The following FLT1 variants were observed in gnomAD, a reference collection of about 807,000 sequenced individuals.
The protein encoded by FLT1 is vascular endothelial growth factor receptor 1.
FLT1 carries 49 observed loss-of-function variants against 156.3 expected under a neutral mutation model. The observed-to-expected ratio is 0.31, with a 90% CI of 0.25 to 0.40. FLT1 has a LOEUF of 0.40. FLT1 is among the 10% of genes least tolerant of loss of function. The pLI is 1.00. For synonymous variants in FLT1, 594 were observed against 583.8 expected, an observed-to-expected ratio of 1.02 and a Z score of -0.25; for missense variants, 1,322 against 1,637.2, an observed-to-expected ratio of 0.81 and a Z score of 3.32.
chr13:28,440,690 C>T (rs1878288975), intron 3 of FLT1, among the ~76,000 whole-genome samples: 1 of 151,968 alleles, frequency 6.6e-6, no homozygotes, highest in East Asian at 1.9e-4. Context: ...TGGCTGTGGT[C>T]CTGTGTAACT....
chr13:28,395,719 T>C (rs1281434838), intron 12 of FLT1, among the ~76,000 whole-genome samples: 2 of 152,224 alleles, frequency 1.3e-5, no homozygotes, highest in Non-Finnish European at 2.9e-5. Flanking sequence ...TAAATTTTGA[T>C]ACTAGGATAT....
At chr13:28,486,482 G>A (rs1881176352) in intron 1 of FLT1, among the ~76,000 whole-genome samples, 2 of 152,248 alleles carry the variant, frequency 1.3e-5, no homozygotes, top group Admixed American at 1.3e-4. Flanking sequence ...GGAAACCAGG[G>A]CTGGACCAAG....
At chr13:28,488,584 A>G (rs923824046) in intron 1 of FLT1, among the ~76,000 whole-genome samples, 2 of 152,142 alleles carry the variant, frequency 1.3e-5, no homozygotes, top group African/African-American at 4.8e-5. Context: ...GCACACAGAG[A>G]GAAGCACGTT....
At chr13:28,308,986 C>T in intron 27 of FLT1, 59 bp from the exon 28 acceptor site, 1 of 917,604 alleles carries the variant, frequency 1.1e-6, no homozygotes. Context: ...TCTAATGAGT[C>T]AGGAGACCAC....
At chr13:28,448,508 C>T (rs1924981) in intron 3 of FLT1, among the ~76,000 whole-genome samples, 47,993 of 151,970 alleles carry the variant, frequency 0.32, 7,844 homozygotes, top group East Asian at 0.38. Flanking sequence ...AAATTAGTCA[C>T]AAAAGACTAC....
At chr13:28,415,094 T>A (rs1008434636) in intron 10 of FLT1, among the ~76,000 whole-genome samples, 1 of 152,188 alleles carries the variant, frequency 6.6e-6, no homozygotes, top group African/African-American at 2.4e-5. Context: ...AGCAGTGTCA[T>A]CCAGTCTAAT....
intron 14 of FLT1, among the ~76,000 whole-genome samples, chr13:28,364,648 C>T (rs760485378): frequency 6.6e-6 from 1 of 152,094 alleles, no homozygotes; most frequent in Non-Finnish European, 1.5e-5. Context: ...ATATAAATAG[C>T]CAATGATCCC....
At chr13:28,365,004 A>C (rs1873237879) in intron 14 of FLT1, among the ~76,000 whole-genome samples, 3 of 152,146 alleles carry the variant, frequency 2.0e-5, no homozygotes, top group Admixed American at 2.0e-4. Flanking sequence ...TTGGAATTCC[A>C]CTGAGTTCAT....
chr13:28,415,866 ACAGT>A (rs1876616294), intron 10 of FLT1, among the ~76,000 whole-genome samples: 1 of 152,236 alleles, frequency 6.6e-6, no homozygotes, highest in Admixed American at 6.5e-5. Flanking sequence ...TTTGGAATAA[ACAGT>A]CAGAGGACCT....
chr13:28,435,923 C>T (rs1877998579), intron 4 of FLT1, among the ~76,000 whole-genome samples: 1 of 152,096 alleles, frequency 6.6e-6, no homozygotes, highest in Admixed American at 6.5e-5. Flanking sequence ...AAAGGAAAAA[C>T]CCAGAAAAAT....
At chr13:28,401,180 C>T (rs963999959) in intron 11 of FLT1, among the ~76,000 whole-genome samples, 1 of 152,138 alleles carries the variant, frequency 6.6e-6, no homozygotes, top group African/African-American at 2.4e-5. Context: ...GAGCCGAGAT[C>T]ATGCCAAAAT....
intron 10 of FLT1, among the ~76,000 whole-genome samples, chr13:28,412,170 C>G (rs559952636): frequency 6.6e-6 from 1 of 152,326 alleles, no homozygotes; most frequent in East Asian, 1.9e-4. Flanking sequence ...GGCGGCCATC[C>G]TGTAGCAGGG....
chr13:28,476,473 G>C (rs1209292149), intron 1 of FLT1, among the ~76,000 whole-genome samples: 1 of 152,138 alleles, frequency 6.6e-6, no homozygotes, highest in Non-Finnish European at 1.5e-5. Context: ...TCCACAATAG[G>C]ACTGAATGTT....
chr13:28,412,512 C>A (rs1034076389), intron 10 of FLT1, among the ~76,000 whole-genome samples: 13 of 151,162 alleles, frequency 8.6e-5, no homozygotes, highest in Non-Finnish European at 1.8e-4. Flanking sequence ...ACCTCCGCCT[C>A]CCAGGTTCAA....
chr13:28,320,647 G>A (rs1871412452), intron 23 of FLT1, among the ~76,000 whole-genome samples: 1 of 151,976 alleles, frequency 6.6e-6, no homozygotes, highest in Non-Finnish European at 1.5e-5. Flanking sequence ...AAAGCCAAAA[G>A]ATTGGACACC....
intron 7 of FLT1, 136 bp downstream of exon 7, chr13:28,431,000 G>A: frequency 1.3e-6 from 1 of 774,484 alleles, no homozygotes; most frequent in East Asian, 2.5e-5. Flanking sequence ...AGGGGGAGGA[G>A]GGAACCATGG....
intron 15 of FLT1, among the ~76,000 whole-genome samples, chr13:28,348,639 G>A (rs1048666801): frequency 6.6e-6 from 1 of 152,226 alleles, no homozygotes; most frequent in Non-Finnish European, 1.5e-5. Context: ...GCCGGGCGCG[G>A]TGGCTCATGC....
chr13:28,488,131 C>A (rs1881267700), intron 1 of FLT1, among the ~76,000 whole-genome samples: 1 of 152,006 alleles, frequency 6.6e-6, no homozygotes, highest in South Asian at 2.1e-4. Context: ...GGCGCGGTGG[C>A]TTACGCCTGT....
chr13:28,476,122 C>T (rs1192126602), intron 1 of FLT1, among the ~76,000 whole-genome samples: 1 of 151,664 alleles, frequency 6.6e-6, no homozygotes, highest in Admixed American at 6.5e-5. Context: ...TAAATACACA[C>T]ACACATGCAC....
Sources: gnomAD v4.1 joint callset for allele counts (sites outside exome capture counted in the v4.1 genomes callset) on GRCh38, gnomAD v4.1.1 for gene constraint, MANE v1.5 for transcripts, NCBI Gene and HGNC (gene_info 2026-07-23, HGNC 2026-07-21) for gene names.